RNGTT: variants seen among roughly 807,000 people sequenced by gnomAD.
RNGTT encodes the protein RNA guanylyltransferase and 5'-phosphatase.
In RNGTT, 33 loss-of-function variants were observed where a neutral mutation model predicts 79.3. That is an observed-to-expected ratio of 0.42 (90% CI 0.32 to 0.56). The LOEUF (loss-of-function observed/expected upper bound fraction) is 0.56, where lower values mean the gene tolerates loss of function less well. Among genes scored for constraint, RNGTT ranks in the 20% least tolerant of loss-of-function variants. The probability of loss-of-function intolerance (pLI) is 0.17; values close to 1 mark genes in which losing one functional copy is unlikely to be tolerated. For synonymous variants in RNGTT, 222 were observed against 235.9 expected, an observed-to-expected ratio of 0.94 and a Z score of 0.54; for missense variants, 497 against 739.1, an observed-to-expected ratio of 0.67 and a Z score of 3.80.
intron 13 of RNGTT, among the ~76,000 whole-genome samples, chr6:88,690,139 T>C (rs1376549119): frequency 6.6e-6 from 1 of 152,108 alleles, no homozygotes; most frequent in African/African-American, 2.4e-5. Flanking sequence ...TTATCACAGA[T>C]TGGATGAAAG....
chr6:88,748,420 T>A (rs1453586674), intron 13 of RNGTT, among the ~76,000 whole-genome samples: 1 of 152,088 alleles, frequency 6.6e-6, no homozygotes, highest in Admixed American at 6.6e-5. Context: ...ATATCTACTA[T>A]CTGCTTGGCT....
At chr6:88,877,832 A>C (rs1262799323) in intron 8 of RNGTT, among the ~76,000 whole-genome samples, 1 of 152,108 alleles carries the variant, frequency 6.6e-6, no homozygotes, top group African/African-American at 2.4e-5. Context: ...GAAACACAGG[A>C]GCTTTATTGT....
chr6:88,963,615 A>G lies in RNGTT; in HGVS notation c.-206T>C. ...CTCCACAGCTCCAGGAGAACCCACA[A>G]TGCACCGCAACTTCCGCCCCCGAAA... is the stretch of plus-strand genomic sequence containing the variant. On this transcript the variant is annotated 5_prime_UTR_variant, in exon 1 of 16. Coordinates refer to ENST00000369485, the MANE Select transcript of RNGTT (RefSeq NM_003800.5). 2.2e-6 allele frequency: 1 copy of G among 456,750 alleles called. No homozygotes were observed. The highest frequency in any genetic ancestry group is 3.8e-6 in the Non-Finnish European group (1 of 259,980). The allele number at this position is 456,750 out of a possible 1,614,324, so 28.3% of individuals were successfully genotyped here.
intron 13 of RNGTT, among the ~76,000 whole-genome samples, chr6:88,716,733 T>C (rs1776528770): frequency 1.3e-5 from 2 of 152,012 alleles, no homozygotes; most frequent in African/African-American, 2.4e-5. Flanking sequence ...AACCAAACAC[T>C]GCATGTTCTC....
chr6:88,787,728 T>C (rs1779278848), intron 12 of RNGTT, among the ~76,000 whole-genome samples: 1 of 151,230 alleles, frequency 6.6e-6, no homozygotes, highest in Admixed American at 6.6e-5. Context: ...GTAAGACTGG[T>C]TAGGATGCCA....
chr6:88,776,822 T>C (rs539282806), intron 12 of RNGTT, among the ~76,000 whole-genome samples: 2 of 152,300 alleles, frequency 1.3e-5, no homozygotes, highest in African/African-American at 2.4e-5. Context: ...ATTTTGTTGA[T>C]TGTTTCCTGT....
intron 13 of RNGTT, among the ~76,000 whole-genome samples, chr6:88,701,942 G>T (rs1361132876): frequency 6.6e-6 from 1 of 152,022 alleles, no homozygotes; most frequent in Non-Finnish European, 1.5e-5. Context: ...GCCAAATCAA[G>T]AACAAAATCT....
At chr6:88,642,608 A>G (rs1289401324) in intron 14 of RNGTT, among the ~76,000 whole-genome samples, 1 of 152,214 alleles carries the variant, frequency 6.6e-6, no homozygotes, top group Non-Finnish European at 1.5e-5. Context: ...CAGTGTCATA[A>G]GAACAAAAAG....
At chr6:88,852,371 T>C (rs1261479099) in intron 9 of RNGTT, among the ~76,000 whole-genome samples, 1 of 152,134 alleles carries the variant, frequency 6.6e-6, no homozygotes, top group Non-Finnish European at 1.5e-5. Flanking sequence ...TATATTTTAT[T>C]AATTATAATG....
chr6:88,638,242 G>C (rs762960428), intron 14 of RNGTT, among the ~76,000 whole-genome samples: 1 of 152,124 alleles, frequency 6.6e-6, no homozygotes, highest in Non-Finnish European at 1.5e-5. Flanking sequence ...CTATTGGTTA[G>C]ATAGTATGAG....
At chr6:88,662,516 T>C (rs1161349251) in intron 14 of RNGTT, among the ~76,000 whole-genome samples, 1 of 152,222 alleles carries the variant, frequency 6.6e-6, no homozygotes, top group African/African-American at 2.4e-5. Flanking sequence ...AGTCTACCAA[T>C]GCTCCCAGCT....
At chr6:88,712,542 C>T (rs952239036) in intron 13 of RNGTT, among the ~76,000 whole-genome samples, 6 of 152,154 alleles carry the variant, frequency 3.9e-5, no homozygotes, top group African/African-American at 1.4e-4. Context: ...AAATTCCTGT[C>T]CTCATGTGAT....
intron 12 of RNGTT, among the ~76,000 whole-genome samples, chr6:88,778,303 A>C (rs9362558): frequency 0.14 from 20,834 of 152,178 alleles, 1,567 homozygotes; most frequent in Middle Eastern, 0.24. Flanking sequence ...TGGGCAAAAA[A>C]ACAGGAGTAG....
chr6:88,882,788 C>T (rs2127928730), intron 8 of RNGTT, among the ~76,000 whole-genome samples: 1 of 152,308 alleles, frequency 6.6e-6, no homozygotes, highest in African/African-American at 2.4e-5. Context: ...GCATTCGCCC[C>T]TTCAGCCATG....
Position 88,918,804 on chromosome 6 carries a change from C to A in RNGTT, c.367+10181G>T, listed in dbSNP as rs118141193. The stretch of plus-strand genomic sequence containing the variant: ...AACATGTAAATTTCCTTACTATCTT[C>A]TATTTCAGACCAATTCAAGCAACAA... On this transcript the variant is annotated intron_variant, in intron 4 of 15. Coordinates refer to ENST00000369485, the MANE Select transcript of RNGTT (RefSeq NM_003800.5). Among the ~76,000 whole-genome samples, 56 of 152,318 alleles carry A rather than the reference C, an allele frequency of 3.7e-4. 1 individual carries two copies. The East Asian group carries it at 0.01, about 28-fold the overall frequency.
intron 14 of RNGTT, among the ~76,000 whole-genome samples, chr6:88,648,333 T>A (rs189404107): frequency 1.6e-4 from 25 of 152,198 alleles, no homozygotes; most frequent in African/African-American, 6.0e-4. Context: ...AATATTAATT[T>A]AGAAATTCTT....
Position 88,935,377 on chromosome 6 carries a change from A to G in RNGTT, c.174+5694T>C, listed in dbSNP as rs531001803. 9.2e-5 allele frequency among the ~76,000 whole-genome samples: 14 copies of G among 152,166 alleles called. No homozygotes were observed. The South Asian group carries it at 2.1e-3, about 23-fold the overall frequency. ...CCCACAGCTTTGTTCCTTTTGCTCA[A>G]GATTGCTTTGGTTATTCAGGCTCAT... On this transcript the variant is annotated intron_variant, in intron 2 of 15. Coordinates refer to ENST00000369485, the MANE Select transcript of RNGTT (RefSeq NM_003800.5).
chr6:88,811,494 G>A (rs952444012), intron 11 of RNGTT, among the ~76,000 whole-genome samples: 20 of 152,100 alleles, frequency 1.3e-4, no homozygotes, highest in African/African-American at 7.2e-5. Context: ...TGATGTAACC[G>A]AAAACCAAGT....
At chr6:88,692,382 T>G (rs1013519096) in intron 13 of RNGTT, among the ~76,000 whole-genome samples, 2 of 151,778 alleles carry the variant, frequency 1.3e-5, no homozygotes, top group African/African-American at 4.8e-5. Flanking sequence ...ATTAGAAATA[T>G]CTCAAATGTC....
Sources: gnomAD v4.1 joint callset for allele counts (sites outside exome capture counted in the v4.1 genomes callset) on GRCh38, gnomAD v4.1.1 for gene constraint, MANE v1.5 for transcripts, NCBI Gene and HGNC (gene_info 2026-07-23, HGNC 2026-07-21) for gene names.